The following CADPS variants were observed in gnomAD, a reference collection of about 807,000 sequenced individuals.
CADPS encodes calcium dependent secretion activator, also known as calcium-dependent secretion activator 1.
In CADPS, 57 loss-of-function variants were observed where a neutral mutation model predicts 167.3. The observed-to-expected ratio is 0.34, with a 90% CI of 0.28 to 0.42. The LOEUF (loss-of-function observed/expected upper bound fraction) is 0.42. Among genes scored for constraint, CADPS ranks in the 20% least tolerant of loss-of-function variants. CADPS has a pLI of 1.00. For synonymous variants in CADPS, 676 were observed against 635.3 expected, an observed-to-expected ratio of 1.06 and a Z score of -0.96; for missense variants, 1,414 against 1,738.1, an observed-to-expected ratio of 0.81 and a Z score of 3.32.
At chr3:62,868,257 G>T (rs1007735372) in intron 1 of CADPS, among the ~76,000 whole-genome samples, 4 of 152,188 alleles carry the variant, frequency 2.6e-5, no homozygotes, top group Admixed American at 2.6e-4. Context: ...AGGGGCCAGG[G>T]TCAGATCAGT....
intron 28 of CADPS, among the ~76,000 whole-genome samples, chr3:62,426,323 GTAT>G (rs1160568223): frequency 6.6e-6 from 1 of 152,014 alleles, no homozygotes; most frequent in African/African-American, 2.4e-5. Context: ...GCTAATTTTT[GTAT>G]TTTTAGTAGA....
chr3:62,698,448 C>G (rs1289524251), intron 3 of CADPS, among the ~76,000 whole-genome samples: 1 of 152,060 alleles, frequency 6.6e-6, no homozygotes, highest in South Asian at 2.1e-4. Flanking sequence ...GTAGGCAACA[C>G]TTTACACTTA....
At chr3:62,483,037 C>T (rs1021657195) in intron 21 of CADPS, among the ~76,000 whole-genome samples, 1 of 151,976 alleles carries the variant, frequency 6.6e-6, no homozygotes, top group Non-Finnish European at 1.5e-5. Context: ...CAAGCTGGCA[C>T]CGTGTGTCTC....
intron 1 of CADPS, among the ~76,000 whole-genome samples, chr3:62,785,139 G>A (rs574448744): frequency 2.6e-5 from 4 of 152,148 alleles, no homozygotes; most frequent in Non-Finnish European, 5.9e-5. Context: ...CAAGTTGGAT[G>A]ATGGGTACAA....
chr3:62,737,227 T>A (rs1445291865), intron 3 of CADPS, among the ~76,000 whole-genome samples: 1 of 151,940 alleles, frequency 6.6e-6, no homozygotes, highest in Non-Finnish European at 1.5e-5. Flanking sequence ...GGTGGGAAGA[T>A]CACTTGAGGC....
intron 2 of CADPS, among the ~76,000 whole-genome samples, chr3:62,760,687 T>G (rs2085185182): frequency 6.6e-6 from 1 of 152,214 alleles, no homozygotes; most frequent in Admixed American, 6.5e-5. Context: ...TTTATCATGG[T>G]ATCTCAGGTA....
intron 4 of CADPS, among the ~76,000 whole-genome samples, chr3:62,656,907 A>G (rs1040563956): frequency 1.3e-5 from 2 of 152,034 alleles, no homozygotes; most frequent in Admixed American, 6.6e-5. Context: ...TGGCATTTAT[A>G]TTTTTCCGTG....
intron 13 of CADPS, among the ~76,000 whole-genome samples, chr3:62,523,097 G>A (rs1004293945): frequency 2.6e-5 from 4 of 152,264 alleles, no homozygotes; most frequent in East Asian, 3.9e-4. Context: ...TCTTGTCACA[G>A]TGGTTAGCAC....
At chr3:62,550,239 C>A in intron 10 of CADPS, 124 bp from the exon 11 acceptor site, 1 of 681,368 alleles carries the variant, frequency 1.5e-6, no homozygotes, top group Non-Finnish European at 2.6e-6. Context: ...TAGTGATTAA[C>A]TTAGGATGGG....
chr3:62,784,293 G>A (rs1471479722), intron 1 of CADPS, among the ~76,000 whole-genome samples: 8 of 152,082 alleles, frequency 5.3e-5, no homozygotes, highest in Admixed American at 4.6e-4. Context: ...GGATGTTAAG[G>A]TACCAATACA....
chr3:62,623,515 G>A (rs756137893), intron 6 of CADPS, among the ~76,000 whole-genome samples: 2 of 152,120 alleles, frequency 1.3e-5, no homozygotes, highest in Non-Finnish European at 2.9e-5. Flanking sequence ...ATACTACACC[G>A]GAATGGATTT....
chr3:62,873,603 A>C (rs1033529520), intron 1 of CADPS, among the ~76,000 whole-genome samples: 6 of 145,460 alleles, frequency 4.1e-5, no homozygotes, highest in Non-Finnish European at 9.0e-5. Flanking sequence ...AGAACAGCTG[A>C]TAGAAATAGG....
At chr3:62,596,201 T>TA (rs1491496864) in intron 6 of CADPS, among the ~76,000 whole-genome samples, 2 of 1,432 alleles carry the variant, frequency 1.4e-3, no homozygotes, top group Non-Finnish European at 7.9e-3. Context: ...CAGAGTGCTA[T>TA]TTTTTTTTTT....
At chr3:62,405,403 G>A (rs2149114594) in intron 28 of CADPS, among the ~76,000 whole-genome samples, 1 of 149,874 alleles carries the variant, frequency 6.7e-6, no homozygotes, top group Admixed American at 6.7e-5. Flanking sequence ...CAAGCCTTGT[G>A]CAACATGCCT....
intron 1 of CADPS, among the ~76,000 whole-genome samples, chr3:62,862,478 G>A (rs996964021): frequency 6.6e-6 from 1 of 152,008 alleles, no homozygotes; most frequent in Admixed American, 6.6e-5. Context: ...CAAAGACCTG[G>A]GATTACAGGT....
chr3:62,518,975 A>C (rs906063173), intron 13 of CADPS, among the ~76,000 whole-genome samples: 2 of 152,206 alleles, frequency 1.3e-5, no homozygotes, highest in African/African-American at 4.8e-5. Flanking sequence ...GCTTAAATAA[A>C]TGATTTCAGT....
At chr3:62,424,298 C>G (rs892636662) in intron 28 of CADPS, among the ~76,000 whole-genome samples, 3 of 152,166 alleles carry the variant, frequency 2.0e-5, no homozygotes, top group African/African-American at 7.2e-5. Context: ...ATTCTCCTGC[C>G]TCAGCCTCCC....
intron 28 of CADPS, among the ~76,000 whole-genome samples, chr3:62,437,584 G>A (rs1007718777): frequency 1.3e-5 from 2 of 152,070 alleles, no homozygotes; most frequent in East Asian, 1.9e-4. Flanking sequence ...CAACTCTAAT[G>A]TAAGTGTTTG....
rs537685823 is a variant in CADPS, at chr3:62,737,068, G to T, written c.888+16373C>A. ...CAAAAGAATCACTTGAACCCTGGAG[G>T]CAGAGGTTGCAGTGAGCCAAGATCA... On this transcript the variant is annotated intron_variant, in intron 3 of 29. Coordinates refer to ENST00000383710, the MANE Select transcript of CADPS (RefSeq NM_003716.4). Among the ~76,000 whole-genome samples the T allele has an allele frequency of 2.0e-5, 3 of 152,054 alleles. No homozygotes were observed. The South Asian group carries it at 6.2e-4, about 32-fold the overall frequency.
Sources: gnomAD v4.1 joint callset for allele counts (sites outside exome capture counted in the v4.1 genomes callset) on GRCh38, gnomAD v4.1.1 for gene constraint, MANE v1.5 for transcripts, NCBI Gene and HGNC (gene_info 2026-07-23, HGNC 2026-07-21) for gene names.